The following PKN3 variants were observed in gnomAD, a reference collection of about 807,000 sequenced individuals.
PKN3 encodes serine/threonine-protein kinase N3.
In PKN3, 91 loss-of-function variants were observed where a neutral mutation model predicts 113.1. The observed-to-expected ratio is 0.80, with a 90% CI of 0.68 to 0.96. The LOEUF (loss-of-function observed/expected upper bound fraction) is 0.96, where lower values mean the gene tolerates loss of function less well. Among genes scored for constraint, PKN3 ranks in the 40% least tolerant of loss-of-function variants. PKN3 has a pLI of 0.00. For synonymous variants in PKN3, 467 were observed against 499.0 expected (o/e 0.94, Z 0.85); for missense variants, 1,052 against 1,202.2 (o/e 0.88, Z 1.85).
intron 18 of PKN3, among the ~76,000 whole-genome samples, chr9:128,719,105 C>T (rs1444381898): frequency 1.3e-5 from 2 of 151,630 alleles, no homozygotes; most frequent in African/African-American, 4.8e-5. Flanking sequence ...ACTGTGTTAG[C>T]GAGGATGGTC....
chr9:128,713,332 G>C lies in PKN3; in HGVS notation c.1037G>C (p.Trp346Ser). The change falls in exon 8 of 22, where the codon TGG becomes TCG. Residue 346 changes from tryptophan to serine, a missense_variant. Physicochemically the swap from Trp to Ser is radical, Grantham distance 177. Around this residue, in one of 2 missense-constraint regions of PKN3, gnomAD observed 719 missense variants for 759.4 expected, o/e 0.95. Transcript: ENST00000291906. ...AACCGTGTTGTGGGGCAGACGGGCT[G>C]GGGGCAGGTGGCCGAACAGTCCTGG... ...VDNRVVGQTGWGQVAEQSWDQ... is the reference protein window; with the variant it reads ...VDNRVVGQTGSGQVAEQSWDQ... 6.2e-7 allele frequency: 1 copy of C among 1,614,104 alleles called. No individual in the cohort carries two copies.
rs1589496139 is a variant in PKN3, at chr9:128,719,821, T to G, written c.2261T>G (p.Val754Gly). 6.5e-7 allele frequency: 1 copy of G among 1,543,558 alleles called. No individual in the cohort carries two copies. The highest frequency in any genetic ancestry group is 1.9e-5 in the Admixed American group (1 of 53,552). The change falls in exon 19 of 22, where the codon GTG becomes GGG. Residue 754 changes from valine to glycine, a missense_variant. This residue lies in a region of PKN3 where 333 missense variants were observed against 442.8 expected (regional missense o/e 0.75). Coordinates refer to ENST00000291906, the MANE Select transcript of PKN3 (RefSeq NM_013355.5). The stretch of plus-strand genomic sequence containing the variant: ...GGTGTGCTGCTCTACGAGATGCTGG[T>G]GGGTGAGGTGAGTGCTGGAGCCTGT... ...GLGVLLYEML[V>G]GECPFPGDTE...
chr9:128,713,252 CCT>C, intron 7 of PKN3, 24 bp from the exon 8 acceptor site: 1 of 1,612,890 alleles, frequency 6.2e-7, no homozygotes, highest in Non-Finnish European at 8.5e-7. Flanking sequence ...TCAGGCCTGC[CCT>C]GAGTCCCGGC....
rs1862307118 is a variant in PKN3 at position 128,715,306 on chromosome 9, T to G, written c.1717-63T>G. On this transcript the variant is annotated intron_variant, in intron 14 of 21. Transcript: ENST00000291906. This position sits in a 1 kb window ranked among gnomAD's most constrained non-coding sequence, Gnocchi z 4.1. ...TCACATGAGCCGGGAGGACCTGATC[T>G]GTGGGGGCGGTAAAGGCTCCCTGGT... is the stretch of plus-strand genomic sequence containing the variant. 1.2e-6 allele frequency: 2 copies of G among 1,606,724 alleles called. No individual in the cohort carries two copies. The highest frequency in any genetic ancestry group is 1.7e-6 in the Non-Finnish European group (2 of 1,173,450).
chr9:128,706,287 T>C (rs538477611), intron 3 of PKN3, among the ~76,000 whole-genome samples: 4 of 148,068 alleles, frequency 2.7e-5, no homozygotes, highest in Non-Finnish European at 6.0e-5. Context: ...TGGGAGAGGC[T>C]TAGCTTAGCC....
At chr9:128,713,958 C>T (rs1407498133) in intron 9 of PKN3, 88 bp from the exon 10 acceptor site, 3 of 1,361,562 alleles carry the variant, frequency 2.2e-6, no homozygotes, top group African/African-American at 2.9e-5. Context: ...ACCCTGGGGG[C>T]TTGGGCTGTA....
intron 3 of PKN3, 39 bp downstream of exon 3, chr9:128,705,918 C>T: frequency 2.0e-6 from 3 of 1,525,306 alleles, no homozygotes; most frequent in Non-Finnish European, 1.8e-6. Flanking sequence ...CACCCTGGCC[C>T]CTGGTCTGAC....
In PKN3 at chr9:128,714,236, T is replaced by C; in HGVS notation, c.1352T>C (p.Met451Thr). ...FLRASQMNLG[M>T]AAWGRLVMNL... ...AGGGCTTCGCAGATGAACCTCGGCA[T>C]GGCGGCCTGGGGGCGCCTCGTCATG... is the stretch of plus-strand genomic sequence containing the variant. Residue 451 changes from methionine (M) to threonine (T), a missense_variant, in exon 11 of 22, where the codon ATG (methionine) becomes ACG (threonine). Coordinates refer to ENST00000291906, the MANE Select transcript of PKN3 (RefSeq NM_013355.5). 6.2e-7 allele frequency: 1 copy of C among 1,613,962 alleles called. No homozygotes were observed. The highest frequency in any genetic ancestry group is 8.5e-7 in the Non-Finnish European group (1 of 1,179,962).
intron 1 of PKN3, chr9:128,703,349 C>CG (rs970627000): frequency 1.0e-4 from 101 of 984,306 alleles, no homozygotes; most frequent in Non-Finnish European, 1.2e-4. Context: ...GTGCGCGCAG[C>CG]GGGGGGCGCA....
chr9:128,718,350 G>A lies in PKN3; in HGVS notation c.2011G>A (p.Gly671Arg), dbSNP rs756219008. The change falls in exon 17 of 22, where the codon GGG becomes AGG. Residue 671 changes from glycine to arginine, a missense_variant. By Grantham distance (125) the Gly-to-Arg change is moderately radical. Coordinates refer to ENST00000291906, the MANE Select transcript of PKN3 (RefSeq NM_013355.5). Reference protein sequence around the residue: ...ARFYVACVVLGLQFLHEKKII... With the variant: ...ARFYVACVVLRLQFLHEKKII... ...CTTCTACGTGGCTTGTGTTGTCCTG[G>A]GGCTGCAGTTCTTACACGAGAAGAA... is the stretch of plus-strand genomic sequence containing the variant. The A allele has an allele frequency of 3.1e-6, 5 of 1,613,926 alleles. No individual in the cohort carries two copies. The highest frequency in any genetic ancestry group is 4.2e-6 in the Non-Finnish European group (5 of 1,179,982).
rs1215004599 is a variant in PKN3, at chr9:128,706,779, C to T, written c.478C>T (p.Arg160Trp). 18 of 1,609,886 alleles carry T rather than the reference C, an allele frequency of 1.1e-5. No homozygotes were observed. Among genetic ancestry groups the T allele is most frequent in the Non-Finnish European group, 1.5e-5 (18 of 1,177,956 alleles). ...CAGCCAGCTGAAGGTGGCCCTGCTGCGGATGAAGATCAGCAGCCTGGAGGC... is the reference window on the plus strand; with the variant it reads ...CAGCCAGCTGAAGGTGGCCCTGCTGTGGATGAAGATCAGCAGCCTGGAGGC... The part of the protein sequence containing the change: ...RDSQLKVALL[R>W]MKISSLEASG... The change falls in exon 4 of 22, where the codon CGG becomes TGG. Residue 160 changes from arginine (R) to tryptophan (W), a missense_variant. Transcript: ENST00000291906.
chr9:128,713,534 C>G lies in PKN3; in HGVS notation c.1128C>G (p.Asp376Glu). ...TGGAGATTGGGGTACACTGGCGGGA[C>G]TGGCGGCAGCTATGTGGCGTGGCCT... ...RELEIGVHWR[D>E]WRQLCGVAFL... Residue 376 changes from aspartate (D) to glutamate (E), a missense_variant, in exon 9 of 22, where the codon GAC becomes GAG. By Grantham distance (45) the Asp-to-Glu change is conservative. This residue lies in a region of PKN3 where 719 missense variants were observed against 759.4 expected (regional missense o/e 0.95). Transcript: ENST00000291906. The G allele has an allele frequency of 6.2e-7, 1 of 1,613,952 alleles. No homozygotes were observed. The highest frequency in any genetic ancestry group is 1.7e-5 in the Admixed American group (1 of 60,022).
intron 6 of PKN3, among the ~76,000 whole-genome samples, chr9:128,710,879 C>T (rs945150026): frequency 3.9e-5 from 6 of 152,118 alleles, no homozygotes; most frequent in African/African-American, 9.7e-5. Flanking sequence ...AGTTGAGGAA[C>T]GCAGAAGAAA....
rs900044684 is a variant in PKN3, at chr9:128,715,771, T to C, written c.1808+311T>C. Among the ~76,000 whole-genome samples, 3 of 152,068 alleles carry C rather than the reference T, an allele frequency of 2.0e-5. No individual in the cohort carries two copies. The highest frequency in any genetic ancestry group is 7.2e-5 in the African/African-American group (3 of 41,392). ...ACTCATGCATGTAACCCCAGCACTT[T>C]GGGAGGCCAAGGCAGGCGGATCACT... is the stretch of plus-strand genomic sequence containing the variant. On this transcript the variant is annotated intron_variant, in intron 15 of 21. Transcript: ENST00000291906. This position sits in a 1 kb window ranked among gnomAD's most constrained non-coding sequence, Gnocchi z 4.1.
chr9:128,706,717 G>A lies in PKN3; in HGVS notation c.416G>A (p.Arg139Lys), dbSNP rs916819707. 1.8e-5 allele frequency: 28 copies of A among 1,571,216 alleles called. No homozygotes were observed. Among genetic ancestry groups the A allele is most frequent in the Non-Finnish European group, 2.3e-5 (27 of 1,157,980 alleles). Residue 139 changes from arginine to lysine, a missense_variant, in exon 4 of 22, where the codon AGG becomes AAG. Arg to Lys is a conservative substitution (Grantham distance 26, BLOSUM62 2). This residue lies in a region of PKN3 where 719 missense variants were observed against 759.4 expected (regional missense o/e 0.95). Transcript: ENST00000291906. ...GCCTGTGCTATGGCTCCATAGGAGA[G>A]GAAGCTCCTGGCAGCTGCCCAGCAG... ...HTCASGTPKE[R>K]KLLAAAQQML...
chr9:128,712,993 T>G, intron 6 of PKN3, 59 bp from the exon 7 acceptor site: 1 of 1,531,728 alleles, frequency 6.5e-7, no homozygotes, highest in African/African-American at 1.4e-5. Flanking sequence ...CCAGGACACC[T>G]TGGTGGTAGC....
chr9:128,707,671 G>A (rs144465306), intron 6 of PKN3, among the ~76,000 whole-genome samples: 17 of 152,342 alleles, frequency 1.1e-4, no homozygotes, highest in African/African-American at 2.9e-4. Context: ...CTCGGACAGC[G>A]TAGCTTGTAT....
intron 15 of PKN3, among the ~76,000 whole-genome samples, chr9:128,716,396 G>A (rs570852040): frequency 2.5e-4 from 37 of 150,058 alleles, no homozygotes; most frequent in African/African-American, 8.9e-4. Flanking sequence ...CCAAGAGTTC[G>A]AGACCAGCCT....
chr9:128,716,983 A>G (rs1048825565), intron 16 of PKN3, 60 bp downstream of exon 16: 24 of 1,415,438 alleles, frequency 1.7e-5, no homozygotes, highest in Non-Finnish European at 6.0e-6. Context: ...CCCTACACCC[A>G]CTCTCTACAT....
Sources: gnomAD v4.1 joint callset for allele counts (sites outside exome capture counted in the v4.1 genomes callset) on GRCh38, gnomAD v4.1.1 for gene constraint, gnomAD v4.1.1 regional missense constraint, Gnocchi (gnomAD v3.1) non-coding constraint, MANE v1.5 for transcripts, NCBI Gene and HGNC (gene_info 2026-07-23, HGNC 2026-07-21) for gene names.